The following PRKD3 variants were observed in gnomAD, a reference collection of about 807,000 sequenced individuals.
PRKD3 encodes the protein serine/threonine-protein kinase D3.
A neutral mutation model predicts 99.2 loss-of-function variants in PRKD3; 47 were observed. That is an observed-to-expected ratio of 0.47 (90% CI 0.38 to 0.60). The LOEUF is 0.60. Ranked by LOEUF, PRKD3 falls within the 20% of genes least tolerant of loss-of-function variation. The pLI is 0.00. For missense variants in PRKD3, 1,019 were observed against 1,088.4 expected, an observed-to-expected ratio of 0.94 and a Z score of 0.90; for synonymous variants, 392 against 355.4, an observed-to-expected ratio of 1.10 and a Z score of -1.16.
chr2:37,257,657 ACT>A (rs1419378121), intron 16 of PRKD3, among the ~76,000 whole-genome samples: 18 of 109,548 alleles, frequency 1.6e-4, no homozygotes, highest in Admixed American at 2.6e-4. Context: ...CAGAGTGAAG[ACT>A]CTGTCTCAAA....
At chr2:37,261,436 G>A (rs149215867) in intron 14 of PRKD3, among the ~76,000 whole-genome samples, 3,355 of 150,930 alleles carry the variant, frequency 0.022, 54 homozygotes, top group Middle Eastern at 0.034. Flanking sequence ...GCAGTGAGCC[G>A]AGATCATGCC....
At chr2:37,274,890 G>A (rs913153172) in intron 10 of PRKD3, among the ~76,000 whole-genome samples, 193 bp from the exon 11 acceptor site, 7 of 152,136 alleles carry the variant, frequency 4.6e-5, no homozygotes, top group Admixed American at 2.6e-4. Context: ...AATGCCAGAC[G>A]CAGAGCATGG....
chr2:37,270,349 T>TG (rs11372361), intron 12 of PRKD3, among the ~76,000 whole-genome samples: 146 of 64,554 alleles, frequency 2.3e-3, no homozygotes, highest in Admixed American at 0.011. Flanking sequence ...CATTGATTTT[T>TG]GGAAAAAAAA....
chr2:37,267,214 G>T (rs1206180189), intron 14 of PRKD3, among the ~76,000 whole-genome samples: 1 of 152,038 alleles, frequency 6.6e-6, no homozygotes, highest in Non-Finnish European at 1.5e-5. Flanking sequence ...CTCCTGGAAT[G>T]AATTAAGAAT....
At chr2:37,301,300 T>C (rs186736180) in intron 2 of PRKD3, among the ~76,000 whole-genome samples, 52 of 152,260 alleles carry the variant, frequency 3.4e-4, no homozygotes, top group African/African-American at 1.1e-3. Context: ...CTAAGAGAGC[T>C]TTTAAGATAA....
At chr2:37,261,075 T>C (rs1050650890) in intron 14 of PRKD3, among the ~76,000 whole-genome samples, 3 of 152,254 alleles carry the variant, frequency 2.0e-5, no homozygotes, top group African/African-American at 4.8e-5. Flanking sequence ...TGGACATAAA[T>C]CTAAATTCCT....
At chr2:37,311,012 C>T (rs1671401142) in intron 2 of PRKD3, among the ~76,000 whole-genome samples, 1 of 152,064 alleles carries the variant, frequency 6.6e-6, no homozygotes, top group South Asian at 2.1e-4. Context: ...TTTAGAGCAC[C>T]ACTAGGAAGC....
At chr2:37,296,757 G>A (rs545250204) in intron 2 of PRKD3, among the ~76,000 whole-genome samples, 16 of 151,776 alleles carry the variant, frequency 1.1e-4, no homozygotes, top group East Asian at 1.9e-4. Context: ...AAATTTAGCC[G>A]GGCGTGGTGG....
intron 16 of PRKD3, among the ~76,000 whole-genome samples, chr2:37,258,416 C>G (rs969634410): frequency 5.9e-5 from 9 of 152,248 alleles, no homozygotes; most frequent in Non-Finnish European, 1.2e-4. Context: ...GTAAAGATGA[C>G]TTGGAAGTTT....
rs1667538510 is a variant in PRKD3, at chr2:37,251,967, T to C, written c.*1210A>G. On this transcript the variant is annotated 3_prime_UTR_variant, in exon 19 of 19. Transcript: ENST00000234179. The stretch of plus-strand genomic sequence containing the variant: ...AGTAGATGGTCCCACATCTTAAACT[T>C]TGGGGAAGATATTTAAAAATATTTT... The C allele has an allele frequency of 6.6e-6, 1 of 152,164 alleles. No individual in the cohort carries two copies. The highest frequency in any genetic ancestry group is 2.1e-4 in the South Asian group (1 of 4,832). 9.4% of individuals were successfully genotyped at this position (152,164 alleles called of 1,614,324 possible). A position where few individuals can be genotyped will look rare whatever the true frequency, so the allele number is the denominator to read the frequency against.
At position 37,275,655 on chromosome 2, in the gene PRKD3, A is replaced by G. The variant is rs755587001; in HGVS notation, c.1374+112T>C. On this transcript the variant is annotated intron_variant, in intron 10 of 18. Coordinates refer to ENST00000234179, the MANE Select transcript of PRKD3 (RefSeq NM_005813.6). Reference sequence around the variant, plus strand: ...CAAGGAACCTAACAGTGACTTCTATAAACCATACTAGCTAGAGTCATATAT... The same window carrying G: ...CAAGGAACCTAACAGTGACTTCTATGAACCATACTAGCTAGAGTCATATAT... 129 of 1,176,102 alleles carry G rather than the reference A, an allele frequency of 1.1e-4. No homozygotes were observed. In the Middle Eastern group the frequency reaches 1.6e-3, roughly 15 times the overall value. The allele number at this position is 1,176,102 out of a possible 1,614,324, so 72.9% of individuals were successfully genotyped here.
At position 37,286,365 on chromosome 2, in the gene PRKD3, T is replaced by C. The variant is rs1670094784; in HGVS notation, c.722A>G (p.His241Arg). 8 of 1,613,292 alleles carry C rather than the reference T, an allele frequency of 5.0e-6. No individual in the cohort carries two copies. The highest frequency in any genetic ancestry group is 6.8e-6 in the Non-Finnish European group (8 of 1,179,396). ...EYVALPSEES[H>R]VHQEPSKRIP... ...TCTCTTACTTGGTTCCTGGTGGACA[T>C]GTGACTATAACATAAGTAATTTTCA... The change falls in exon 6 of 19, where the codon CAT becomes CGT. Residue 241 changes from histidine (H) to arginine (R), a missense_variant. Physicochemically the swap from His to Arg is conservative, Grantham distance 29. Transcript: ENST00000234179.
chr2:37,262,128 TGAG>T (rs752122108), intron 14 of PRKD3, among the ~76,000 whole-genome samples: 1 of 152,186 alleles, frequency 6.6e-6, no homozygotes, highest in East Asian at 1.9e-4. Flanking sequence ...CGTCGCAAAA[TGAG>T]GAGCATCCTG....
rs1281902336 is a variant in PRKD3, at chr2:37,252,834, C to T, written c.*343G>A. The T allele has an allele frequency of 4.0e-5, 4 of 100,544 alleles. No homozygotes were observed. The highest frequency in any genetic ancestry group is 2.6e-4 in the Admixed American group (2 of 7,612). 6.2% of individuals were successfully genotyped at this position (100,544 alleles called of 1,614,324 possible). A position where few individuals can be genotyped will look rare whatever the true frequency, so the allele number is the denominator to read the frequency against. On this transcript the variant is annotated 3_prime_UTR_variant, in exon 19 of 19. Transcript: ENST00000234179. ...GTTTTTCATTAAAAAAACAAACAAACATATATTTATATTTATATATATATA... is the reference window on the plus strand; with the variant it reads ...GTTTTTCATTAAAAAAACAAACAAATATATATTTATATTTATATATATATA...
In PRKD3 at chr2:37,275,808, G is replaced by T. The variant is rs55912911; in HGVS notation, c.1333C>A (p.Leu445Ile). 7.8e-3 allele frequency: 12,587 copies of T among 1,608,042 alleles called. 111 individuals carry two copies. Among genetic ancestry groups the T allele is most frequent in the African/African-American group, 0.041 (3,078 of 74,752 alleles). Residue 445 changes from leucine (L) to isoleucine (I), a missense_variant, in exon 10 of 19, where the codon CTA becomes ATA. Leu to Ile is a conservative substitution (Grantham distance 5). Transcript: ENST00000234179. The part of the protein sequence containing the change: ...RHYWRLDSKC[L>I]TLFQNESGSK... ...CCAGATTCATTCTGAAATAATGTTA[G>T]ACATTTGCTGTCAAGTCTCCAATAA...
chr2:37,323,811 C>T (rs906726132), intron 1 of PRKD3, among the ~76,000 whole-genome samples: 3 of 152,150 alleles, frequency 2.0e-5, no homozygotes, highest in African/African-American at 7.2e-5. Flanking sequence ...TGTAACTTAT[C>T]CTTCCTAATC....
chr2:37,306,782 C>G (rs1671189553), intron 2 of PRKD3, among the ~76,000 whole-genome samples: 1 of 152,218 alleles, frequency 6.6e-6, no homozygotes, highest in Admixed American at 6.5e-5. Flanking sequence ...GCACCCCAGC[C>G]TGGGTGACAG....
intron 2 of PRKD3, among the ~76,000 whole-genome samples, chr2:37,306,192 A>G (rs1011523577): frequency 2.6e-5 from 4 of 151,982 alleles, no homozygotes; most frequent in Admixed American, 1.3e-4. Flanking sequence ...CCTCAATATC[A>G]GTTTTCTCCC....
intron 17 of PRKD3, 42 bp from the exon 18 acceptor site, chr2:37,254,331 C>G: frequency 6.8e-7 from 1 of 1,479,558 alleles, no homozygotes; most frequent in Non-Finnish European, 9.5e-7. Flanking sequence ...TTTGGGTGCA[C>G]AGAGTACCCC....
Sources: gnomAD v4.1 joint callset for allele counts (sites outside exome capture counted in the v4.1 genomes callset) on GRCh38, gnomAD v4.1.1 for gene constraint, MANE v1.5 for transcripts, NCBI Gene and HGNC (gene_info 2026-07-23, HGNC 2026-07-21) for gene names.